The following PTER variants were observed in gnomAD, a reference collection of about 807,000 sequenced individuals.
PTER encodes phosphotriesterase related, also known as N-acetyltaurine hydrolase.
PTER carries 38 observed loss-of-function variants against 29.6 expected under a neutral mutation model. The observed-to-expected ratio is 1.28, with a 90% confidence interval of 0.99 to 1.68. PTER has a LOEUF of 1.68. Among genes scored for constraint, PTER ranks in the 40% most tolerant of loss-of-function variants. The pLI is 0.00. For missense variants in PTER, 482 were observed against 427.8 expected, an observed-to-expected ratio of 1.13 and a Z score of -1.12; for synonymous variants, 172 against 154.5, an observed-to-expected ratio of 1.11 and a Z score of -0.84.
At chr10:16,516,720 T>C (rs1836957172), downstream of PTER, among the ~76,000 whole-genome samples, 1 of 152,210 alleles carries the variant, frequency 6.6e-6, no homozygotes, top group East Asian at 1.9e-4. Flanking sequence ...CTCCAGGGTG[T>C]AACCACAAAA....
intron 1 of PTER, among the ~76,000 whole-genome samples, chr10:16,463,612 C>T (rs545021065): frequency 2.0e-4 from 31 of 151,776 alleles, no homozygotes; most frequent in East Asian, 5.8e-4. Context: ...GACACGGTTT[C>T]ACCGTGTTGG....
intron 1 of PTER, among the ~76,000 whole-genome samples, chr10:16,461,224 G>T (rs1834602515): frequency 6.6e-6 from 1 of 151,920 alleles, no homozygotes. Flanking sequence ...GGTACTAGAG[G>T]AACCTTTCTA....
At chr10:16,470,129 T>C (rs554837602) in intron 1 of PTER, among the ~76,000 whole-genome samples, 1 of 152,286 alleles carries the variant, frequency 6.6e-6, no homozygotes, top group East Asian at 1.9e-4. Context: ...TAAGCAGACT[T>C]AGGTTGGAAT....
At chr10:16,504,877 CATT>C (rs1420394081) in intron 3 of PTER, 140 bp from the exon 4 acceptor site, 1 of 832,542 alleles carries the variant, frequency 1.2e-6, no homozygotes, top group African/African-American at 1.7e-5. Flanking sequence ...ATACTCACAT[CATT>C]AAGAGCCATT....
chr10:16,465,823 G>T (rs1479533734), intron 1 of PTER, among the ~76,000 whole-genome samples: 1 of 152,158 alleles, frequency 6.6e-6, no homozygotes, highest in East Asian at 1.9e-4. Context: ...TAAAATTGTG[G>T]TGGAAGGGGA....
intron 1 of PTER, among the ~76,000 whole-genome samples, chr10:16,476,401 G>A (rs560566921): frequency 6.6e-6 from 1 of 152,100 alleles, no homozygotes; most frequent in East Asian, 1.9e-4. Flanking sequence ...TATTTAAGTG[G>A]TGCTTTTAGG....
At chr10:16,507,201 CATATAT>C (rs55959560) in intron 4 of PTER, among the ~76,000 whole-genome samples, 2 of 140,432 alleles carry the variant, frequency 1.4e-5, no homozygotes, top group African/African-American at 2.7e-5. Context: ...GTGGGTGGAG[CATATAT>C]ATATATATAT....
intron 1 of PTER, among the ~76,000 whole-genome samples, chr10:16,469,106 T>C (rs1834952585): frequency 6.6e-6 from 1 of 152,164 alleles, no homozygotes; most frequent in Non-Finnish European, 1.5e-5. Flanking sequence ...CACAGGACAA[T>C]CTTCTAGTTA....
intron 1 of PTER, among the ~76,000 whole-genome samples, chr10:16,450,334 T>A (rs1168872875): frequency 6.6e-6 from 1 of 152,132 alleles, no homozygotes; most frequent in African/African-American, 2.4e-5. Context: ...ATGGTTAATC[T>A]CCTCAGACAA....
chr10:16,474,944 AT>A (rs1240655106), intron 1 of PTER, among the ~76,000 whole-genome samples: 1 of 152,144 alleles, frequency 6.6e-6, no homozygotes, highest in African/African-American at 2.4e-5. Context: ...GAAGTCTAAG[AT>A]TGAAGCCCTG....
rs959156465 is a variant in PTER at position 16,511,327 on chromosome 10, G to A, written c.*71G>A. 4 of 1,350,640 alleles carry A rather than the reference G, an allele frequency of 3.0e-6. No homozygotes were observed. In the Admixed American group the frequency reaches 5.1e-5, roughly 17 times the overall value. 83.7% of individuals were successfully genotyped at this position (1,350,640 alleles called of 1,614,324 possible). A position where few individuals can be genotyped will look rare whatever the true frequency, so the allele number is the denominator to read the frequency against. ...AACATTCAGCGATTTCCAGTCCACT[G>A]TGAGATATTAATCAGTTACCTAGGA... On this transcript the variant is annotated 3_prime_UTR_variant, in exon 5 of 5. Transcript: ENST00000535784.
chr10:16,459,582 G>T (rs1834531680), intron 1 of PTER, among the ~76,000 whole-genome samples: 1 of 152,164 alleles, frequency 6.6e-6, no homozygotes, highest in Non-Finnish European at 1.5e-5. Context: ...TGCTAGTTCA[G>T]ATGTTTTGAG....
chr10:16,438,685 TG>T (rs1435183437), intron 1 of PTER, among the ~76,000 whole-genome samples: 51 of 150,794 alleles, frequency 3.4e-4, no homozygotes, highest in African/African-American at 1.2e-3. Context: ...CCCGGCACTT[TG>T]GGAGGCTGAG....
chr10:16,473,519 GAAAAAAA>G (rs72001271), intron 1 of PTER, among the ~76,000 whole-genome samples: 533 of 28,154 alleles, frequency 0.019, 5 homozygotes, highest in African/African-American at 0.074. Flanking sequence ...GACTCCATCC[GAAAAAAA>G]AAAAAAAAAA....
chr10:16,490,526 T>C (rs1207222717), intron 3 of PTER, among the ~76,000 whole-genome samples: 1 of 152,060 alleles, frequency 6.6e-6, no homozygotes, highest in East Asian at 1.9e-4. Context: ...GCTCTAGGTC[T>C]CAACTTATTC....
chr10:16,458,975 C>G (rs994347289), intron 1 of PTER, among the ~76,000 whole-genome samples: 6 of 152,098 alleles, frequency 3.9e-5, no homozygotes, highest in South Asian at 2.1e-4. Context: ...CAAAATTAGT[C>G]CATATTCAAA....
chr10:16,447,041 G>C (rs1008030266), intron 1 of PTER, among the ~76,000 whole-genome samples: 2 of 151,716 alleles, frequency 1.3e-5, no homozygotes, highest in African/African-American at 4.8e-5. Flanking sequence ...TGCCTCCCTT[G>C]GCTTCCCAAA....
chr10:16,444,953 T>C (rs1482163760), intron 1 of PTER, among the ~76,000 whole-genome samples: 1 of 152,198 alleles, frequency 6.6e-6, no homozygotes, highest in African/African-American at 2.4e-5. Flanking sequence ...TTGAATGGGC[T>C]GTAAAACACT....
intron 1 of PTER, among the ~76,000 whole-genome samples, chr10:16,468,568 C>G (rs1405845075): frequency 1.3e-5 from 2 of 152,182 alleles, no homozygotes; most frequent in Non-Finnish European, 2.9e-5. Context: ...AAGCAAGCAT[C>G]TAGATGTTCG....
Sources: gnomAD v4.1 joint callset for allele counts (sites outside exome capture counted in the v4.1 genomes callset) on GRCh38, gnomAD v4.1.1 for gene constraint, MANE v1.5 for transcripts, NCBI Gene and HGNC (gene_info 2026-07-23, HGNC 2026-07-21) for gene names.